Variants in KIAA0232 observed in about 807,000 individuals in gnomAD.
KIAA0232 encodes uncharacterized protein KIAA0232.
A neutral mutation model predicts 122.0 loss-of-function variants in KIAA0232; 27 were observed. The ratio of observed to expected loss-of-function variants is 0.22; its 90% CI spans 0.16 to 0.31. The LOEUF (loss-of-function observed/expected upper bound fraction) is 0.31, where lower values mean the gene tolerates loss of function less well. Ranked by LOEUF, KIAA0232 falls within the 10% of genes least tolerant of loss-of-function variation. The probability of loss-of-function intolerance (pLI) is 1.00; values close to 1 mark genes in which losing one functional copy is unlikely to be tolerated. For synonymous variants in KIAA0232, 613 were observed against 587.6 expected (o/e 1.04, Z -0.63); for missense variants, 1,551 against 1,634.2 (o/e 0.95, Z 0.88).
intron 7 of KIAA0232, 109 bp downstream of exon 7, chr4:6,864,292 T>A: frequency 8.3e-7 from 1 of 1,202,240 alleles, no homozygotes; most frequent in Non-Finnish European, 1.2e-6. Context: ...GAAATTAGCT[T>A]AAATGTCTTA....
chr4:6,834,578 A>G (rs933074926), intron 3 of KIAA0232, among the ~76,000 whole-genome samples: 5 of 152,230 alleles, frequency 3.3e-5, no homozygotes, highest in Non-Finnish European at 7.3e-5. Flanking sequence ...TAGCCCTGCC[A>G]TATATCCTAA....
chr4:6,824,122 A>T (rs79994948), intron 2 of KIAA0232, 63 bp from the exon 3 acceptor site: 1 of 418,682 alleles, frequency 2.4e-6, no homozygotes, highest in African/African-American at 2.0e-5. Context: ...TTTTTTCCTC[A>T]AAAGGTCAAT....
chr4:6,867,608 G>A (rs1296888683), intron 7 of KIAA0232, among the ~76,000 whole-genome samples: 1 of 152,196 alleles, frequency 6.6e-6, no homozygotes, highest in Non-Finnish European at 1.5e-5. Flanking sequence ...GGGAATTTCA[G>A]TCCACTCAGG....
intron 3 of KIAA0232, among the ~76,000 whole-genome samples, chr4:6,838,532 G>C (rs1719471149): frequency 6.6e-6 from 1 of 152,000 alleles, no homozygotes; most frequent in Non-Finnish European, 1.5e-5. Flanking sequence ...AGGTTACTGG[G>C]AGTATTCTAG....
At chr4:6,786,877 A>G (rs1560156718) in intron 1 of KIAA0232, among the ~76,000 whole-genome samples, 1 of 152,154 alleles carries the variant, frequency 6.6e-6, no homozygotes, top group Non-Finnish European at 1.5e-5. Flanking sequence ...ACCAGAGCAC[A>G]AGGTTAAAAA....
chr4:6,795,239 T>G (rs1167136841), intron 1 of KIAA0232, among the ~76,000 whole-genome samples: 1 of 151,996 alleles, frequency 6.6e-6, no homozygotes, highest in Non-Finnish European at 1.5e-5. Context: ...CCTAGCTAAT[T>G]TTTTTGTATT....
In KIAA0232 at chr4:6,790,915, C is replaced by CTTT. The variant is rs35766310; in HGVS notation, c.-354+8095_-354+8097dup. ...TGAAGGAGTTTCTTGTTTTTATATACTTTTTTTTTTTTTTTTTTTTTTTGA... is the reference window on the plus strand; with the variant it reads ...TGAAGGAGTTTCTTGTTTTTATATACTTTTTTTTTTTTTTTTTTTTTTTTTTGA... On this transcript the variant is annotated intron_variant, in intron 1 of 9. Transcript: ENST00000307659. Among the ~76,000 whole-genome samples, 403 of 92,906 alleles carry CTTT rather than the reference C, an allele frequency of 4.3e-3. 4 individuals carry two copies. The highest frequency in any genetic ancestry group is 6.0e-3 in the African/African-American group (126 of 21,086). 60.9% of individuals were successfully genotyped at this position (92,906 alleles called of 152,430 possible). A position where few individuals can be genotyped will look rare whatever the true frequency, so the allele number is the denominator to read the frequency against.
intron 3 of KIAA0232, among the ~76,000 whole-genome samples, chr4:6,838,923 G>C (rs1719494670): frequency 6.6e-6 from 1 of 152,242 alleles, no homozygotes; most frequent in African/African-American, 2.4e-5. Flanking sequence ...GAGGCCAGGA[G>C]TTCAAGACCA....
intron 2 of KIAA0232, among the ~76,000 whole-genome samples, chr4:6,819,266 A>G (rs1718302823): frequency 6.6e-6 from 1 of 152,214 alleles, no homozygotes; most frequent in Non-Finnish European, 1.5e-5. Context: ...AAAAGAAATT[A>G]TCAATAGAGT....
At chr4:6,805,876 GA>G (rs1158208811) in intron 2 of KIAA0232, among the ~76,000 whole-genome samples, 1 of 151,808 alleles carries the variant, frequency 6.6e-6, no homozygotes, top group African/African-American at 2.4e-5. Context: ...TTTCCTAATT[GA>G]AATTTTTAAA....
rs981211837 is a variant in KIAA0232 at position 6,883,135 on chromosome 4, T to C, written c.*2169T>C. The C allele has an allele frequency of 1.3e-5, 2 of 152,690 alleles. No homozygotes were observed. Among genetic ancestry groups the C allele is most frequent in the Admixed American group, 6.5e-5 (1 of 15,292 alleles). 9.5% of individuals were successfully genotyped at this position (152,690 alleles called of 1,614,324 possible). On this transcript the variant is annotated 3_prime_UTR_variant, in exon 10 of 10. Coordinates refer to ENST00000307659, the MANE Select transcript of KIAA0232 (RefSeq NM_014743.3). Reference sequence around the variant, plus strand: ...GAGATGAAAGTGTGGCTTTTTAGTTTTGTGAATGGATGATCACAAAGAAAA... The same window carrying C: ...GAGATGAAAGTGTGGCTTTTTAGTTCTGTGAATGGATGATCACAAAGAAAA...
intron 7 of KIAA0232, among the ~76,000 whole-genome samples, chr4:6,864,737 CAAAAAAA>C (rs59573520): frequency 1.4e-5 from 1 of 70,312 alleles, no homozygotes; most frequent in Admixed American, 1.8e-4. Context: ...GACTCCATCT[CAAAAAAA>C]AAAAAAAAAA....
intron 1 of KIAA0232, among the ~76,000 whole-genome samples, chr4:6,788,008 T>G (rs949869599): frequency 6.6e-6 from 1 of 152,210 alleles, no homozygotes; most frequent in African/African-American, 2.4e-5. Context: ...CATTCTTACT[T>G]TTAGCTTAAT....
chr4:6,820,076 C>T (rs1310824914), intron 2 of KIAA0232, among the ~76,000 whole-genome samples: 1 of 152,052 alleles, frequency 6.6e-6, no homozygotes, highest in South Asian at 2.1e-4. Context: ...AAGGTGACAG[C>T]ACTAAACACT....
At chr4:6,844,733 G>T (rs1719862508) in intron 4 of KIAA0232, among the ~76,000 whole-genome samples, 1 of 152,182 alleles carries the variant, frequency 6.6e-6, no homozygotes, top group Non-Finnish European at 1.5e-5. Flanking sequence ...ACCGTGCCTG[G>T]CCAGCTTCTT....
chr4:6,817,790 G>GAAAAAAAA (rs1718207439), intron 2 of KIAA0232, among the ~76,000 whole-genome samples: 1 of 152,030 alleles, frequency 6.6e-6, no homozygotes, highest in Non-Finnish European at 1.5e-5. Flanking sequence ...TGTAATTGTG[G>GAAAAAAAA]ACTTGTTTAT....
chr4:6,855,058 C>T lies in KIAA0232; in HGVS notation c.370-2106C>T, dbSNP rs73080541. Reference sequence around the variant, plus strand: ...CTTGCTGTGATGGTGACCCAGGGTTCTCATGATTTTTTATTTTTTATTTTT... The same window carrying T: ...CTTGCTGTGATGGTGACCCAGGGTTTTCATGATTTTTTATTTTTTATTTTT... On this transcript the variant is annotated intron_variant, in intron 4 of 9. Coordinates refer to ENST00000307659, the MANE Select transcript of KIAA0232 (RefSeq NM_014743.3). The surrounding 1 kb of genome is among the most constrained non-coding windows in gnomAD (Gnocchi z 4.3). Among the ~76,000 whole-genome samples, 2,670 of 151,834 alleles carry T rather than the reference C, an allele frequency of 0.018. 74 individuals carry two copies. Among genetic ancestry groups the T allele is most frequent in the African/African-American group, 0.061 (2,527 of 41,424 alleles).
At chr4:6,793,342 C>T (rs893698513) in intron 1 of KIAA0232, among the ~76,000 whole-genome samples, 2 of 152,088 alleles carry the variant, frequency 1.3e-5, no homozygotes, top group Admixed American at 1.3e-4. Context: ...TAATGGATCA[C>T]GAATGCTACA....
At chr4:6,802,828 A>C (rs1464637594) in intron 1 of KIAA0232, among the ~76,000 whole-genome samples, 1 of 152,022 alleles carries the variant, frequency 6.6e-6, no homozygotes, top group Non-Finnish European at 1.5e-5. Context: ...GGAAGGAAAA[A>C]ATGACAGAAG....
Sources: gnomAD v4.1 joint callset for allele counts (sites outside exome capture counted in the v4.1 genomes callset) on GRCh38, gnomAD v4.1.1 for gene constraint, Gnocchi (gnomAD v3.1) non-coding constraint, MANE v1.5 for transcripts, NCBI Gene and HGNC (gene_info 2026-07-23, HGNC 2026-07-21) for gene names.